The following GAR1 variants were observed in gnomAD, a reference collection of about 807,000 sequenced individuals.
The protein encoded by GAR1 is GAR1 ribonucleoprotein.
GAR1 carries 11 observed loss-of-function variants against 29.3 expected under a neutral mutation model. The observed-to-expected ratio is 0.38, with a 90% CI of 0.24 to 0.62. The LOEUF (loss-of-function observed/expected upper bound fraction) is 0.62. Among genes scored for constraint, GAR1 ranks in the 20% least tolerant of loss-of-function variants. The pLI, the probability that GAR1 is intolerant of heterozygous loss-of-function variation, is 0.62. For missense variants in GAR1, 237 were observed against 268.4 expected (o/e 0.88, Z 0.82); for synonymous variants, 87 against 93.3 (o/e 0.93, Z 0.39).
chr4:109,818,674 C>T (rs918459861), intron 3 of GAR1, among the ~76,000 whole-genome samples: 7 of 150,598 alleles, frequency 4.6e-5, no homozygotes, highest in African/African-American at 1.7e-4. Context: ...GAGCAATTCT[C>T]GTGCCTCAGC....
Position 109,818,260 on chromosome 4 carries a change from T to C in GAR1, c.369+170T>C, listed in dbSNP as rs539529141. 2.6e-5 allele frequency among the ~76,000 whole-genome samples: 4 copies of C among 152,336 alleles called. No individual in the cohort carries two copies. In the South Asian group the frequency reaches 6.2e-4, roughly 24 times the overall value. On this transcript the variant is annotated intron_variant, in intron 3 of 6. Coordinates refer to ENST00000226796, the MANE Select transcript of GAR1 (RefSeq NM_018983.4). ...GGGAGAATGTATTCATCCATAGATATTAAAATGACAGACCCTAGAACGGTG... is the reference window on the plus strand; with the variant it reads ...GGGAGAATGTATTCATCCATAGATACTAAAATGACAGACCCTAGAACGGTG...
At chr4:109,821,463 C>T (rs1733510098) in intron 4 of GAR1, among the ~76,000 whole-genome samples, 2 of 152,144 alleles carry the variant, frequency 1.3e-5, no homozygotes, top group Admixed American at 6.5e-5. Context: ...TGTAGAAGAA[C>T]TATGATACAA....
At chr4:109,818,675 G>A (rs1457196422) in intron 3 of GAR1, among the ~76,000 whole-genome samples, 1 of 148,242 alleles carries the variant, frequency 6.7e-6, no homozygotes, top group Non-Finnish European at 1.5e-5. Flanking sequence ...AGCAATTCTC[G>A]TGCCTCAGCC....
chr4:109,823,270 TTAC>T (rs931442259), intron 5 of GAR1, among the ~76,000 whole-genome samples: 2 of 152,180 alleles, frequency 1.3e-5, no homozygotes, highest in African/African-American at 4.8e-5. Context: ...ACAGCTTTTG[TTAC>T]TGGATCAGAA....
At chr4:109,823,423 A>G (rs990443828) in intron 5 of GAR1, among the ~76,000 whole-genome samples, 8 of 152,186 alleles carry the variant, frequency 5.3e-5, no homozygotes, top group Admixed American at 3.3e-4. Context: ...AGATTCCCCT[A>G]TTCTCATGTT....
chr4:109,821,543 T>G (rs987579601), intron 4 of GAR1, among the ~76,000 whole-genome samples: 13 of 152,244 alleles, frequency 8.5e-5, no homozygotes, highest in African/African-American at 3.1e-4. Context: ...GTATAGTTTC[T>G]GTATATCCTT....
In GAR1 at chr4:109,816,347, C is replaced by G. The variant is rs1733351897; in HGVS notation, c.183C>G (p.Gly61=). Residue 61 remains glycine (G), a synonymous_variant, in exon 2 of 7, where the codon GGC becomes GGG. Transcript: ENST00000226796. The stretch of plus-strand genomic sequence containing the variant: ...GTGGCCGCGGAGGCTTTAACAAAGG[C>G]CAAGACCAAGGACCTCCAGAACGTG... ...RGGGRGGFNK[G]QDQGPPERVV... is the part of the protein sequence containing the mutation. 6.2e-7 allele frequency: 1 copy of G among 1,613,844 alleles called. No individual in the cohort carries two copies. Among genetic ancestry groups the G allele is most frequent in the African/African-American group, 1.3e-5 (1 of 74,970 alleles).
In GAR1 at chr4:109,816,236, C is replaced by G. The variant is rs554365787; in HGVS notation, c.72C>G (p.Gly24=). 1.3e-5 allele frequency: 21 copies of G among 1,609,376 alleles called. No individual in the cohort carries two copies. In the South Asian group the frequency reaches 2.2e-4, roughly 17 times the overall value. ...GAGGTGGCGGCTTCAACCGAGGTGG[C>G]AGCAGCAACCACTTCCGAGGTGGAG... ...GGGGGGFNRG[G]SSNHFRGGGG... Residue 24 remains glycine (G), a synonymous_variant, in exon 2 of 7, where the codon GGC becomes GGG. Transcript: ENST00000226796.
rs920143078 is a variant in GAR1 at position 109,816,048 on chromosome 4, G to A, written c.-12-105G>A. On this transcript the variant is annotated intron_variant, in intron 1 of 6. Coordinates refer to ENST00000226796, the MANE Select transcript of GAR1 (RefSeq NM_018983.4). ...GTCTGACCGTGGGTGAGGTGACAGGGCTGCTTTTGTCTCCTTTATGGTGTT... is the reference window on the plus strand; with the variant it reads ...GTCTGACCGTGGGTGAGGTGACAGGACTGCTTTTGTCTCCTTTATGGTGTT... 8 of 1,083,512 alleles carry A rather than the reference G, an allele frequency of 7.4e-6. No individual in the cohort carries two copies. In the African/African-American group the frequency reaches 1.1e-4, roughly 15 times the overall value. 67.1% of individuals were successfully genotyped at this position (1,083,512 alleles called of 1,614,324 possible).
At chr4:109,824,079 A>C in intron 6 of GAR1, 46 bp downstream of exon 6, 1 of 1,235,170 alleles carries the variant, frequency 8.1e-7, no homozygotes, top group Non-Finnish European at 1.2e-6. Flanking sequence ...TTTAAAATTG[A>C]TATTATCTGG....
chr4:109,816,301 G>C lies in GAR1; in HGVS notation c.137G>C (p.Arg46Thr), dbSNP rs149585427. Reference protein sequence around the residue: ...GGGGNFRGGGRGGFGRGGGRG... With the variant: ...GGGGNFRGGGTGGFGRGGGRG... ...GGCGGCAATTTCAGAGGCGGCGGCA[G>C]GGGAGGATTTGGACGAGGGGGTGGC... is the stretch of plus-strand genomic sequence containing the variant. Residue 46 changes from arginine (R) to threonine (T), a missense_variant, in exon 2 of 7, where the codon AGG (arginine) becomes ACG (threonine). By Grantham distance (71) the Arg-to-Thr change is moderately conservative. Transcript: ENST00000226796. The C allele has an allele frequency of 3.0e-4, 484 of 1,612,668 alleles. No individual in the cohort carries two copies. The African/African-American group carries it at 6.1e-3, about 20-fold the overall frequency.
intron 4 of GAR1, among the ~76,000 whole-genome samples, chr4:109,819,975 A>G (rs533006602): frequency 3.7e-4 from 57 of 152,134 alleles, no homozygotes; most frequent in Non-Finnish European, 5.0e-4. Context: ...CCTTAGTTTC[A>G]ATTGTGTTTT....
At chr4:109,819,188 T>TC in intron 4 of GAR1, 128 bp downstream of exon 4, 1 of 733,692 alleles carries the variant, frequency 1.4e-6, no homozygotes, top group African/African-American at 1.7e-5. Context: ...ATTGAAATGT[T>TC]CCATGCTATA....
intron 6 of GAR1, 38 bp from the exon 7 acceptor site, chr4:109,824,380 T>C (rs1163411530): frequency 1.4e-6 from 2 of 1,461,646 alleles, no homozygotes; most frequent in Admixed American, 1.7e-5. Context: ...AAAAATCCAT[T>C]TTCTGTGCCC....
Position 109,816,267 on chromosome 4 carries a change from G to GGCA in GAR1, c.104_105insCAG (p.Gly35_Gly36insSer). 1 of 1,609,908 alleles carries GGCA rather than the reference G, an allele frequency of 6.2e-7. No individual in the cohort carries two copies. The highest frequency in any genetic ancestry group is 8.5e-7 in the Non-Finnish European group (1 of 1,178,190). On this transcript the variant is annotated inframe_insertion, in exon 2 of 7. Transcript: ENST00000226796. Reference sequence around the variant, plus strand: ...CAACCACTTCCGAGGTGGAGGCGGCGGTGGAGGCGGCGGCAATTTCAGAGG... The same window carrying GGCA: ...CAACCACTTCCGAGGTGGAGGCGGCGGCAGTGGAGGCGGCGGCAATTTCAGAGG...
chr4:109,817,823 A>C, intron 2 of GAR1, 113 bp from the exon 3 acceptor site: 1 of 756,654 alleles, frequency 1.3e-6, no homozygotes, highest in Non-Finnish European at 2.2e-6. Flanking sequence ...TCTGCCTCAG[A>C]GGAGAGCAGT....
In GAR1 at chr4:109,816,534, A is replaced by G. The variant is rs2125888250; in HGVS notation, c.214+156A>G. 1.3e-5 allele frequency among the ~76,000 whole-genome samples: 2 copies of G among 152,292 alleles called. 1 individual carries two copies. The highest frequency in any genetic ancestry group is 4.2e-4 in the South Asian group (2 of 4,816). ...TCAAGAAAGCTGAGGGATACTTAGA[A>G]TGCATCTTGGAGGTGGAACTTGAGG... On this transcript the variant is annotated intron_variant, in intron 2 of 6. Coordinates refer to ENST00000226796, the MANE Select transcript of GAR1 (RefSeq NM_018983.4).
chr4:109,817,622 A>C (rs936954613), intron 2 of GAR1, among the ~76,000 whole-genome samples: 1 of 152,258 alleles, frequency 6.6e-6, no homozygotes, highest in Non-Finnish European at 1.5e-5. Context: ...TGTTCTAAGC[A>C]CTTGACATTT....
intron 4 of GAR1, among the ~76,000 whole-genome samples, chr4:109,821,224 C>T (rs1733505080): frequency 1.3e-5 from 2 of 152,090 alleles, no homozygotes; most frequent in Admixed American, 1.3e-4. Context: ...CTATTGAGCA[C>T]GTGAAGTGTG....
Sources: allele counts gnomAD v4.1 joint callset (sites outside exome capture counted in the v4.1 genomes callset), GRCh38; gene constraint gnomAD v4.1.1; transcripts MANE v1.5; gene names NCBI Gene and HGNC (gene_info 2026-07-23, HGNC 2026-07-21).